Variants in SBF2 observed in about 807,000 individuals in gnomAD.
The protein encoded by SBF2 is SET binding factor 2, also known as myotubularin-related protein 13.
In SBF2, 112 loss-of-function variants were observed where a neutral mutation model predicts 225.2. The observed-to-expected ratio is 0.50, with a 90% confidence interval of 0.43 to 0.58. SBF2 has a LOEUF of 0.58. Ranked by LOEUF, SBF2 falls within the 20% of genes least tolerant of loss-of-function variation. SBF2 has a pLI of 0.00. For synonymous variants in SBF2, 763 were observed against 773.3 expected, an observed-to-expected ratio of 0.99 and a Z score of 0.22; for missense variants, 1,996 against 2,206.2, an observed-to-expected ratio of 0.90 and a Z score of 1.91.
chr11:9,808,841 TA>T, intron 31 of SBF2, 59 bp downstream of exon 31: 3 of 1,288,118 alleles, frequency 2.3e-6, no homozygotes, highest in South Asian at 1.2e-5. Flanking sequence ...CTGAAGAATT[TA>T]AAAATGACCA....
intron 32 of SBF2, among the ~76,000 whole-genome samples, chr11:9,802,326 C>G (rs1176803812): frequency 6.6e-6 from 1 of 152,260 alleles, no homozygotes; most frequent in East Asian, 1.9e-4. Context: ...AAACAGTGAG[C>G]TAGCATTTAT....
rs184724059 is a variant in SBF2, at chr11:10,063,100, T to C, written c.142-20119A>G. 2.6e-5 allele frequency among the ~76,000 whole-genome samples: 4 copies of C among 151,976 alleles called. No homozygotes were observed. In the East Asian group the frequency reaches 7.7e-4, roughly 29 times the overall value. On this transcript the variant is annotated intron_variant, in intron 2 of 39. Transcript: ENST00000256190. ...ACTAATGCAGGAACAGAAAGGCAAA[T>C]ACCGCATGTTCTCACTTATAAGAAC... is the stretch of plus-strand genomic sequence containing the variant.
intron 16 of SBF2, among the ~76,000 whole-genome samples, chr11:9,951,727 T>C (rs946729772): frequency 6.6e-6 from 1 of 152,188 alleles, no homozygotes; most frequent in Non-Finnish European, 1.5e-5. Flanking sequence ...TACAGAGTGA[T>C]ACAGGCACCC....
intron 1 of SBF2, among the ~76,000 whole-genome samples, chr11:10,264,851 T>C (rs1200799372): frequency 6.6e-6 from 1 of 152,082 alleles, no homozygotes; most frequent in African/African-American, 2.4e-5. Flanking sequence ...TTTCTGTTCT[T>C]AGGATAGTTT....
intron 1 of SBF2, among the ~76,000 whole-genome samples, chr11:10,222,787 G>GA (rs1317469700): frequency 2.0e-5 from 3 of 152,052 alleles, no homozygotes; most frequent in Admixed American, 6.6e-5. Context: ...TTTCTTTTGT[G>GA]AAAAAATCAG....
chr11:9,947,411 A>C (rs1205451232), intron 16 of SBF2, among the ~76,000 whole-genome samples: 1 of 152,240 alleles, frequency 6.6e-6, no homozygotes, highest in African/African-American at 2.4e-5. Context: ...ACAAAGTCTA[A>C]TCTTTTAGCT....
At chr11:10,260,749 T>C (rs1232607619) in intron 1 of SBF2, among the ~76,000 whole-genome samples, 2 of 147,026 alleles carry the variant, frequency 1.4e-5, no homozygotes, top group African/African-American at 5.0e-5. Context: ...GGCGAGGTGG[T>C]GTGCACCCGT....
intron 16 of SBF2, among the ~76,000 whole-genome samples, chr11:9,906,385 TA>T (rs1396585374): frequency 1.3e-5 from 2 of 152,096 alleles, no homozygotes; most frequent in African/African-American, 4.8e-5. Context: ...TTCCACAAAT[TA>T]AAAAAATTAA....
chr11:10,062,762 T>C (rs940906757), intron 2 of SBF2, among the ~76,000 whole-genome samples: 5 of 152,156 alleles, frequency 3.3e-5, no homozygotes, highest in Admixed American at 3.3e-4. Context: ...AGTTCAACCA[T>C]TTTGGAAAGC....
At chr11:10,278,406 T>C (rs542992900) in intron 1 of SBF2, among the ~76,000 whole-genome samples, 40 of 152,298 alleles carry the variant, frequency 2.6e-4, no homozygotes, top group African/African-American at 8.9e-4. Context: ...ACCCCAAAAA[T>C]TTCGAGAGCT....
chr11:9,995,825 CT>C (rs71034750), intron 9 of SBF2, among the ~76,000 whole-genome samples: 14 of 137,288 alleles, frequency 1.0e-4, no homozygotes, highest in Admixed American at 2.2e-4. Flanking sequence ...AATTTTTTGT[CT>C]TTTTTTTTTT....
chr11:9,989,052 A>ATATATATATATATG (rs1347138364), intron 13 of SBF2, among the ~76,000 whole-genome samples: 4 of 151,540 alleles, frequency 2.6e-5, no homozygotes, highest in African/African-American at 9.7e-5. Context: ...ATATATATAT[A>ATATATATATATATG]TATACATATG....
At chr11:10,108,476 A>T (rs1274070440) in intron 2 of SBF2, among the ~76,000 whole-genome samples, 1 of 151,142 alleles carries the variant, frequency 6.6e-6, no homozygotes, top group Non-Finnish European at 1.5e-5. Context: ...GGCACACAGA[A>T]CCTCAAAGAA....
chr11:9,845,984 T>C (rs1461218225), intron 23 of SBF2, among the ~76,000 whole-genome samples: 3 of 152,228 alleles, frequency 2.0e-5, no homozygotes, highest in Non-Finnish European at 4.4e-5. Context: ...AGATTATTTC[T>C]TCTACAATGG....
At chr11:10,054,525 A>G (rs1392415273) in intron 2 of SBF2, among the ~76,000 whole-genome samples, 1 of 152,204 alleles carries the variant, frequency 6.6e-6, no homozygotes, top group Non-Finnish European at 1.5e-5. Flanking sequence ...AAGGCCCCGA[A>G]AGTAAATGCA....
chr11:9,833,188 T>G (rs1855502070), intron 26 of SBF2, among the ~76,000 whole-genome samples: 1 of 152,216 alleles, frequency 6.6e-6, no homozygotes, highest in African/African-American at 2.4e-5. Flanking sequence ...TCAAATGAGT[T>G]TAAATAGTTA....
At chr11:10,178,415 A>C (rs569338072) in intron 2 of SBF2, among the ~76,000 whole-genome samples, 1 of 141,144 alleles carries the variant, frequency 7.1e-6, no homozygotes, top group East Asian at 2.2e-4. Flanking sequence ...CAACCTACAA[A>C]ATGGGAGAAA....
chr11:10,084,065 T>C (rs1485580817), intron 2 of SBF2, among the ~76,000 whole-genome samples: 1 of 152,108 alleles, frequency 6.6e-6, no homozygotes, highest in East Asian at 1.9e-4. Context: ...GAACAAACAG[T>C]CTGCAAAATG....
At chr11:9,948,293 AG>A (rs1472786943) in intron 16 of SBF2, among the ~76,000 whole-genome samples, 2 of 152,204 alleles carry the variant, frequency 1.3e-5, no homozygotes, top group East Asian at 3.9e-4. Flanking sequence ...TTTAATAGAT[AG>A]GAAGTTTCAG....
Sources: gnomAD v4.1 joint callset for allele counts (sites outside exome capture counted in the v4.1 genomes callset) on GRCh38, gnomAD v4.1.1 for gene constraint, MANE v1.5 for transcripts, NCBI Gene and HGNC (gene_info 2026-07-23, HGNC 2026-07-21) for gene names.